The following DOCK2 variants were observed in gnomAD, a reference collection of about 807,000 sequenced individuals.
DOCK2 encodes dedicator of cytokinesis 2.
A neutral mutation model predicts 248.9 loss-of-function variants in DOCK2; 87 were observed. That is an observed-to-expected ratio of 0.35 (90% CI 0.29 to 0.42). The LOEUF is 0.42. DOCK2 is among the 10% of genes least tolerant of loss of function. DOCK2 has a pLI of 1.00. For synonymous variants in DOCK2, 805 were observed against 821.6 expected (o/e 0.98, Z 0.35); for missense variants, 1,747 against 2,300.2 (o/e 0.76, Z 4.92).
At chr5:169,881,718 A>G (rs960977922) in intron 27 of DOCK2, among the ~76,000 whole-genome samples, 4 of 152,238 alleles carry the variant, frequency 2.6e-5, no homozygotes, top group Middle Eastern at 3.4e-3. Context: ...AGTGGAAGGG[A>G]GGTTATTAAA....
intron 27 of DOCK2, among the ~76,000 whole-genome samples, chr5:169,849,654 G>A (rs1770518900): frequency 1.3e-5 from 2 of 152,214 alleles, no homozygotes. Context: ...AACTTAGAAA[G>A]AGAACTTTTT....
rs547279693 is a variant in DOCK2 at position 170,066,671 on chromosome 5, A to G, written c.4468-839A>G. 2.0e-5 allele frequency among the ~76,000 whole-genome samples: 3 copies of G among 152,340 alleles called. No homozygotes were observed. The South Asian group carries it at 6.2e-4, about 32-fold the overall frequency. ...CCACAAAACAAGTCTTAACAAATTTAAGATTTTTATTTAGTTTGTTTCTGT... is the reference window on the plus strand; with the variant it reads ...CCACAAAACAAGTCTTAACAAATTTGAGATTTTTATTTAGTTTGTTTCTGT... On this transcript the variant is annotated intron_variant, in intron 44 of 51. Coordinates refer to ENST00000520908, the MANE Select transcript of DOCK2 (RefSeq NM_004946.3).
At chr5:169,930,017 A>G (rs530318226) in intron 27 of DOCK2, among the ~76,000 whole-genome samples, 22 of 152,266 alleles carry the variant, frequency 1.4e-4, no homozygotes, top group African/African-American at 5.3e-4. Context: ...TTTGAGACAG[A>G]ATCTTGCTCT....
chr5:169,794,721 G>A (rs1054566171), intron 25 of DOCK2, among the ~76,000 whole-genome samples: 2 of 152,082 alleles, frequency 1.3e-5, no homozygotes, highest in African/African-American at 4.8e-5. Context: ...TCAGGAGATC[G>A]AGACCATCCT....
chr5:170,050,573 G>C (rs1448284974), intron 41 of DOCK2, among the ~76,000 whole-genome samples, 176 bp downstream of exon 41: 1 of 152,142 alleles, frequency 6.6e-6, no homozygotes, highest in Non-Finnish European at 1.5e-5. Flanking sequence ...TCCTTTTCTG[G>C]ACTCTTCATG....
rs573079677 is a variant in DOCK2 at position 169,889,379 on chromosome 5, G to A, written c.2799+48527G>A. Among the ~76,000 whole-genome samples, 16 of 152,282 alleles carry A rather than the reference G, an allele frequency of 1.1e-4. 1 individual carries two copies. The East Asian group carries it at 3.1e-3, about 29-fold the overall frequency. ...TAGATTCTGTTGTGAGGTGGGCACTGTAATAAATACTGTGGAGATTCCAAG... is the reference window on the plus strand; with the variant it reads ...TAGATTCTGTTGTGAGGTGGGCACTATAATAAATACTGTGGAGATTCCAAG... On this transcript the variant is annotated intron_variant, in intron 27 of 51. Coordinates refer to ENST00000520908, the MANE Select transcript of DOCK2 (RefSeq NM_004946.3).
chr5:170,050,446 G>A (rs577556516), intron 41 of DOCK2, 49 bp downstream of exon 41: 1 of 1,568,962 alleles, frequency 6.4e-7, no homozygotes, highest in Admixed American at 2.0e-5. Context: ...GAGCAGCCCT[G>A]CCAGGGCTGC....
intron 47 of DOCK2, 33 bp downstream of exon 47, chr5:170,076,117 GA>G (rs1757829904): frequency 1.4e-6 from 2 of 1,426,738 alleles, no homozygotes; most frequent in Non-Finnish European, 1.9e-6. Flanking sequence ...GGAGGGGTGG[GA>G]TTGTGCAGGG....
At chr5:169,654,638 G>GCGT in intron 2 of DOCK2, 152 bp downstream of exon 2, 1 of 745,644 alleles carries the variant, frequency 1.3e-6, no homozygotes, top group Non-Finnish European at 2.1e-6. Flanking sequence ...TTACTAAACA[G>GCGT]AAATGCTTTC....
At chr5:170,082,377 T>A (rs1055756731) in intron 51 of DOCK2, among the ~76,000 whole-genome samples, 2 of 152,190 alleles carry the variant, frequency 1.3e-5, no homozygotes, top group Non-Finnish European at 2.9e-5. Context: ...TGTTACTTGT[T>A]GGCCTTTGCT....
rs908336331 is a variant in DOCK2, at chr5:169,708,386, C to G, written c.1482+119C>G. The G allele has an allele frequency of 2.0e-5, 20 of 994,788 alleles. No individual in the cohort carries two copies. The African/African-American group carries it at 2.9e-4, about 15-fold the overall frequency. 61.6% of individuals were successfully genotyped at this position (994,788 alleles called of 1,614,324 possible). A position where few individuals can be genotyped will look rare whatever the true frequency, so the allele number is the denominator to read the frequency against. Reference sequence around the variant, plus strand: ...TTACAACAGCCGTGTGAGGTTTGTACTAATATTTCCTTCATTTTATAGTTG... The same window carrying G: ...TTACAACAGCCGTGTGAGGTTTGTAGTAATATTTCCTTCATTTTATAGTTG... On this transcript the variant is annotated intron_variant, in intron 15 of 51. Coordinates refer to ENST00000520908, the MANE Select transcript of DOCK2 (RefSeq NM_004946.3).
chr5:170,009,529 GTGGA>G (rs2113811073), intron 32 of DOCK2, among the ~76,000 whole-genome samples: 1 of 152,294 alleles, frequency 6.6e-6, no homozygotes, highest in African/African-American at 2.4e-5. Context: ...GGATGGATGG[GTGGA>G]TGGATGAACG....
intron 22 of DOCK2, among the ~76,000 whole-genome samples, chr5:169,732,928 C>A (rs766126188): frequency 6.6e-6 from 1 of 152,090 alleles, no homozygotes; most frequent in East Asian, 1.9e-4. Flanking sequence ...TCTTACTGTA[C>A]GGGCTAGGAG....
chr5:169,695,425 A>T lies in DOCK2; in HGVS notation c.844-378A>T, dbSNP rs190698791. On this transcript the variant is annotated intron_variant, in intron 9 of 51. Coordinates refer to ENST00000520908, the MANE Select transcript of DOCK2 (RefSeq NM_004946.3). ...TCTCTCTCAGAGGTTCTGAGCAATG[A>T]TGTGACCGATGGTGTCATCCGAGTC... The T allele has an allele frequency of 3.0e-3, 548 of 185,220 alleles. 7 individuals are homozygous for T. Among genetic ancestry groups the T allele is most frequent in the Non-Finnish European group, 1.4e-3 (123 of 89,676 alleles). The allele number at this position is 185,220 out of a possible 1,614,324, so 11.5% of individuals were successfully genotyped here.
chr5:169,902,297 G>A (rs1210902010), intron 27 of DOCK2, among the ~76,000 whole-genome samples: 5 of 152,224 alleles, frequency 3.3e-5, no homozygotes, highest in African/African-American at 9.6e-5. Context: ...GGTGGTGACT[G>A]TGGACGAGGC....
chr5:169,952,407 T>C (rs1776698698), intron 27 of DOCK2, among the ~76,000 whole-genome samples: 1 of 152,104 alleles, frequency 6.6e-6, no homozygotes, highest in Non-Finnish European at 1.5e-5. Context: ...ATTTTAATTA[T>C]GGCTCCCCTT....
chr5:169,886,117 G>GA (rs979573180), intron 27 of DOCK2, among the ~76,000 whole-genome samples: 14 of 152,054 alleles, frequency 9.2e-5, no homozygotes, highest in Admixed American at 9.2e-4. Context: ...TCTTTATAAA[G>GA]AAAAAAACCC....
intron 27 of DOCK2, among the ~76,000 whole-genome samples, chr5:169,959,938 G>C (rs913310739): frequency 6.6e-6 from 1 of 152,208 alleles, no homozygotes; most frequent in African/African-American, 2.4e-5. Flanking sequence ...CAAACAGCTT[G>C]TTTGGTTTCT....
At chr5:170,066,371 A>G (rs1306872916) in intron 44 of DOCK2, among the ~76,000 whole-genome samples, 1 of 152,246 alleles carries the variant, frequency 6.6e-6, no homozygotes, top group Non-Finnish European at 1.5e-5. Flanking sequence ...TTGTAAACAC[A>G]TATACACCCA....
Sources: gnomAD v4.1 joint callset for allele counts (sites outside exome capture counted in the v4.1 genomes callset) on GRCh38, gnomAD v4.1.1 for gene constraint, MANE v1.5 for transcripts, NCBI Gene and HGNC (gene_info 2026-07-23, HGNC 2026-07-21) for gene names.